MDFIC2: variants seen among roughly 807,000 people sequenced by gnomAD.
MDFIC2 encodes the protein MyoD family inhibitor domain containing 2, also known as myoD family inhibitor domain-containing protein 2.
chr3:70,267,674 C>T (rs1412765523), intron 2 of MDFIC2, among the ~76,000 whole-genome samples: 1 of 151,148 alleles, frequency 6.6e-6, no homozygotes, highest in African/African-American at 2.4e-5. Flanking sequence ...CCTCGGCCTC[C>T]CAGAGTGCTG....
chr3:70,211,527 T>TTG (rs1462246289), intron 2 of MDFIC2, among the ~76,000 whole-genome samples: 1 of 28,144 alleles, frequency 3.6e-5, no homozygotes, highest in African/African-American at 9.6e-5. Context: ...TCCCTTCCCT[T>TTG]CCCTTTGCCC....
At chr3:70,224,716 G>C (rs746384957) in intron 2 of MDFIC2, among the ~76,000 whole-genome samples, 1 of 151,082 alleles carries the variant, frequency 6.6e-6, no homozygotes, top group South Asian at 2.1e-4. Flanking sequence ...ATTCACCCTT[G>C]GTTTTTTTTT....
At chr3:70,204,953 A>T (rs527631992) in intron 3 of MDFIC2, 4 of 152,062 alleles carry the variant, frequency 2.6e-5, no homozygotes, top group Admixed American at 1.3e-4. Context: ...TGTAGCATCA[A>T]GATGCTTTTG....
At chr3:70,277,463 G>A (rs947464479) in intron 2 of MDFIC2, among the ~76,000 whole-genome samples, 3 of 152,152 alleles carry the variant, frequency 2.0e-5, no homozygotes, top group Admixed American at 1.3e-4. Context: ...CTATAATGAC[G>A]GCTCTTGATT....
At chr3:70,249,166 A>T (rs1157427615) in intron 2 of MDFIC2, 1 of 152,212 alleles carries the variant, frequency 6.6e-6, no homozygotes. Context: ...CAAGTTCTAC[A>T]TTAGGAACAC....
At chr3:70,293,101 A>C (rs1477494233) in intron 2 of MDFIC2, among the ~76,000 whole-genome samples, 2 of 151,208 alleles carry the variant, frequency 1.3e-5, no homozygotes, top group African/African-American at 2.4e-5. Flanking sequence ...GAAGAAAGAA[A>C]ATTCAGTATT....
chr3:70,270,031 A>C (rs1701958886), intron 2 of MDFIC2, among the ~76,000 whole-genome samples: 2 of 152,212 alleles, frequency 1.3e-5, no homozygotes, highest in African/African-American at 4.8e-5. Flanking sequence ...GTGATAAATA[A>C]ATCCATGAGT....
intron 2 of MDFIC2, among the ~76,000 whole-genome samples, chr3:70,232,740 TG>T (rs1180134958): frequency 6.6e-6 from 1 of 152,178 alleles, no homozygotes; most frequent in Non-Finnish European, 1.5e-5. Flanking sequence ...AAATACGTAT[TG>T]TTTTTACCAA....
intron 2 of MDFIC2, among the ~76,000 whole-genome samples, chr3:70,261,683 C>A (rs1398497391): frequency 6.6e-6 from 1 of 152,134 alleles, no homozygotes; most frequent in South Asian, 2.1e-4. Context: ...TTGTTGAAAA[C>A]AGAATGCCAA....
rs1701293561 is a variant in MDFIC2, at chr3:70,206,658, G to C, written c.221C>G (p.Ser74Cys). ...TTCAAGGGAGGACAGTGATGTGCTG[G>C]ATTCTGACAGTTTTTTCTCATTGGG... ...ENPNEKKLSE[S>C]STSLSSLEEC... Residue 74 changes from serine to cysteine, a missense_variant, in exon 3 of 4, where the codon TCC becomes TGC. Ser to Cys is a moderately radical substitution (Grantham distance 112). Transcript: ENST00000567252. 2.5e-6 allele frequency: 1 copy of C among 397,744 alleles called. No individual in the cohort carries two copies. Among genetic ancestry groups the C allele is most frequent in the Non-Finnish European group, 4.4e-6 (1 of 225,604 alleles). 24.6% of individuals were successfully genotyped at this position (397,744 alleles called of 1,614,324 possible).
At chr3:70,214,299 G>A (rs903850106) in intron 2 of MDFIC2, among the ~76,000 whole-genome samples, 19 of 152,038 alleles carry the variant, frequency 1.2e-4, no homozygotes, top group South Asian at 4.1e-4. Flanking sequence ...CGTATAAATC[G>A]TTGTTTTGAT....
At chr3:70,285,520 G>A (rs547249525) in intron 2 of MDFIC2, among the ~76,000 whole-genome samples, 11 of 151,950 alleles carry the variant, frequency 7.2e-5, no homozygotes, top group East Asian at 1.9e-4. Flanking sequence ...ATAAAAATAC[G>A]TGTGCATGTG....
At chr3:70,247,098 C>T (rs1255647607) in intron 2 of MDFIC2, among the ~76,000 whole-genome samples, 2 of 151,856 alleles carry the variant, frequency 1.3e-5, no homozygotes, top group Non-Finnish European at 2.9e-5. Context: ...GTACCAAGCG[C>T]ATGGTAGAAG....
chr3:70,290,914 C>G (rs148579138), intron 2 of MDFIC2, among the ~76,000 whole-genome samples: 12 of 152,294 alleles, frequency 7.9e-5, no homozygotes, highest in African/African-American at 2.6e-4. Context: ...CGCCCTGCTT[C>G]GGATGGCGCA....
chr3:70,270,277 C>T (rs1261263276), intron 2 of MDFIC2, among the ~76,000 whole-genome samples: 1 of 152,098 alleles, frequency 6.6e-6, no homozygotes. Context: ...AATCCTAGCA[C>T]ATTACAAAAT....
chr3:70,265,479 C>T (rs1701908606), intron 2 of MDFIC2, among the ~76,000 whole-genome samples: 2 of 149,768 alleles, frequency 1.3e-5, no homozygotes. Context: ...CTGCTCCATG[C>T]TACCTCCATA....
In MDFIC2 at chr3:70,196,827, G is replaced by A; in HGVS notation, c.*99C>T. ...ATGGCCTATAGCATCCAAGAAATGT[G>A]TACAGTCCTTACATTTCAGCACATG... is the stretch of plus-strand genomic sequence containing the variant. On this transcript the variant is annotated 3_prime_UTR_variant, in exon 4 of 4. Transcript: ENST00000567252. 7.5e-6 allele frequency: 3 copies of A among 397,402 alleles called. 1 individual carries two copies. Among genetic ancestry groups the A allele is most frequent in the Non-Finnish European group, 1.3e-5 (3 of 225,786 alleles). 24.6% of individuals were successfully genotyped at this position (397,402 alleles called of 1,614,324 possible).
intron 2 of MDFIC2, among the ~76,000 whole-genome samples, chr3:70,283,234 A>G (rs2106683883): frequency 6.6e-6 from 1 of 152,116 alleles, no homozygotes; most frequent in African/African-American, 2.4e-5. Context: ...ACTGAAATAG[A>G]TTTGCGGGAA....
Position 70,212,448 on chromosome 3 carries a change from A to G in MDFIC2, c.89-5658T>C, listed in dbSNP as rs76834992. On this transcript the variant is annotated intron_variant, in intron 2 of 3. Coordinates refer to ENST00000567252, the MANE Select transcript of MDFIC2 (RefSeq NM_001364677.1). ...GTCATTTTTCCAGTTCCCTGGGCTT[A>G]AAACTATTATTTGACTGGCCCTGTC... Among the ~76,000 whole-genome samples the G allele has an allele frequency of 1.3e-3, 196 of 152,234 alleles. 6 individuals are homozygous for G. In the East Asian group the frequency reaches 0.036, roughly 28 times the overall value.
Sources: allele counts gnomAD v4.1 joint callset (sites outside exome capture counted in the v4.1 genomes callset), GRCh38; gene constraint gnomAD v4.1.1; transcripts MANE v1.5; gene names NCBI Gene and HGNC (gene_info 2026-07-23, HGNC 2026-07-21).